SYT1: variants seen among roughly 807,000 people sequenced by gnomAD.
The protein encoded by SYT1 is synaptotagmin-1.
SYT1 carries 8 observed loss-of-function variants against 44.8 expected under a neutral mutation model. The ratio of observed to expected loss-of-function variants is 0.18; its 90% CI spans 0.10 to 0.32. The LOEUF (loss-of-function observed/expected upper bound fraction) is 0.32, where lower values mean the gene tolerates loss of function less well. Among genes scored for constraint, SYT1 ranks in the 10% least tolerant of loss-of-function variants. The probability of loss-of-function intolerance (pLI) is 1.00; values close to 1 mark genes in which losing one functional copy is unlikely to be tolerated. For synonymous variants in SYT1, 154 were observed against 188.8 expected (o/e 0.82, Z 1.51); for missense variants, 286 against 509.3 (o/e 0.56, Z 4.22).
intron 3 of SYT1, among the ~76,000 whole-genome samples, chr12:79,114,553 G>A (rs950575881): frequency 8.6e-5 from 13 of 151,220 alleles, no homozygotes; most frequent in African/African-American, 3.2e-4. Flanking sequence ...AACTCCTACA[G>A]TGCTTTACCT....
At chr12:79,348,941 A>G (rs926000617) in intron 8 of SYT1, among the ~76,000 whole-genome samples, 1 of 144,014 alleles carries the variant, frequency 6.9e-6, no homozygotes, top group Non-Finnish European at 1.5e-5. Flanking sequence ...GAAAGGAAAG[A>G]AAAAGAAAGA....
At chr12:79,178,953 TAG>T (rs376434895) in intron 3 of SYT1, among the ~76,000 whole-genome samples, 2,889 of 80,856 alleles carry the variant, frequency 0.036, 442 homozygotes, top group African/African-American at 0.042. Flanking sequence ...GATATAGATA[TAG>T]ATATAGATAT....
In SYT1 at chr12:79,449,737, A is replaced by AAAT. The variant is rs1055093106; in HGVS notation, c.*615_*617dup. 6.6e-6 allele frequency: 1 copy of AAAT among 152,432 alleles called. No homozygotes were observed. The highest frequency in any genetic ancestry group is 2.4e-5 in the African/African-American group (1 of 41,458). The allele number at this position is 152,432 out of a possible 1,614,324, so 9.4% of individuals were successfully genotyped here. A position where few individuals can be genotyped will look rare whatever the true frequency, so the allele number is the denominator to read the frequency against. On this transcript the variant is annotated 3_prime_UTR_variant, in exon 11 of 11. Coordinates refer to ENST00000261205, the MANE Select transcript of SYT1 (RefSeq NM_005639.3). ...ATTTTGTAGAATTCCTACACAGGCA[A>AAAT]AATAGCATGATCTGAGCAGCAGCAT...
At chr12:79,041,763 G>A (rs1459365168) in intron 2 of SYT1, among the ~76,000 whole-genome samples, 2 of 150,826 alleles carry the variant, frequency 1.3e-5, no homozygotes, top group African/African-American at 4.9e-5. Flanking sequence ...CTGTGGGTTT[G>A]TCATAGATAG....
At chr12:79,335,759 C>A (rs1882063049) in intron 8 of SYT1, among the ~76,000 whole-genome samples, 1 of 152,132 alleles carries the variant, frequency 6.6e-6, no homozygotes, top group Admixed American at 6.6e-5. Context: ...TGAGACTTTT[C>A]TCCAAGCACT....
At chr12:79,061,635 T>C (rs749201826) in intron 3 of SYT1, among the ~76,000 whole-genome samples, 2 of 152,110 alleles carry the variant, frequency 1.3e-5, no homozygotes, top group African/African-American at 4.8e-5. Context: ...AATATAATAG[T>C]ATGAAGATTA....
At chr12:79,367,466 C>T (rs1883595087) in intron 9 of SYT1, among the ~76,000 whole-genome samples, 1 of 152,116 alleles carries the variant, frequency 6.6e-6, no homozygotes, top group Admixed American at 6.5e-5. Context: ...TTGTTCATTG[C>T]TACATAATTG....
intron 1 of SYT1, among the ~76,000 whole-genome samples, chr12:78,895,960 A>G (rs1355694885): frequency 6.6e-6 from 1 of 151,768 alleles, no homozygotes; most frequent in Non-Finnish European, 1.5e-5. Context: ...TTACCATGCA[A>G]TGCAGTTATT....
intron 3 of SYT1, among the ~76,000 whole-genome samples, chr12:79,212,340 A>G (rs1874508206): frequency 6.6e-6 from 1 of 152,122 alleles, no homozygotes; most frequent in Non-Finnish European, 1.5e-5. Flanking sequence ...GGAGGGGAAC[A>G]TCACACACCC....
At chr12:79,234,902 G>A (rs1476377380) in intron 4 of SYT1, among the ~76,000 whole-genome samples, 2 of 151,782 alleles carry the variant, frequency 1.3e-5, no homozygotes, top group Non-Finnish European at 2.9e-5. Context: ...GTAGAGATGG[G>A]GTTTCACCAT....
intron 1 of SYT1, among the ~76,000 whole-genome samples, chr12:78,938,982 A>T (rs1878212383): frequency 6.6e-6 from 1 of 152,204 alleles, no homozygotes; most frequent in Non-Finnish European, 1.5e-5. Flanking sequence ...TGAGTGTCTT[A>T]TGTATAAACA....
intron 4 of SYT1, among the ~76,000 whole-genome samples, chr12:79,247,792 AAGAGTTGAAAAAC>A (rs1400955399): frequency 6.6e-6 from 1 of 152,102 alleles, no homozygotes; most frequent in Non-Finnish European, 1.5e-5. Context: ...AAAAAAAAAT[AAGAGTTGAAAAAC>A]AGCTTCCAGA....
chr12:79,138,682 T>C (rs1869356780), intron 3 of SYT1, among the ~76,000 whole-genome samples: 1 of 152,242 alleles, frequency 6.6e-6, no homozygotes, highest in Non-Finnish European at 1.5e-5. Context: ...TGCATGCATA[T>C]GCATAAACAA....
rs529744128 is a variant in SYT1 at position 79,348,380 on chromosome 12, A to T, written c.811-5122A>T. On this transcript the variant is annotated intron_variant, in intron 8 of 10. Coordinates refer to ENST00000261205, the MANE Select transcript of SYT1 (RefSeq NM_005639.3). ...GTTTCCCAGGATGCAGGACTTTTAG[A>T]TCTTAAACCAGGAGGATCTTAAACA... Among the ~76,000 whole-genome samples, 9 of 152,250 alleles carry T rather than the reference A, an allele frequency of 5.9e-5. No individual in the cohort carries two copies. In the East Asian group the frequency reaches 1.7e-3, roughly 29 times the overall value.
Position 79,265,906 on chromosome 12 carries a change from A to G in SYT1, c.167-19881A>G, listed in dbSNP as rs758787006. On this transcript the variant is annotated intron_variant, in intron 4 of 10. Coordinates refer to ENST00000261205, the MANE Select transcript of SYT1 (RefSeq NM_005639.3). ...AGGATCTGCTATGCAAAAATTATTT[A>G]GAAAAACTAATTGACAGAAAACAAT... 3.2e-4 allele frequency among the ~76,000 whole-genome samples: 48 copies of G among 152,338 alleles called. 1 individual carries two copies. The highest frequency in any genetic ancestry group is 1.0e-3 in the Admixed American group (16 of 15,308).
intron 2 of SYT1, among the ~76,000 whole-genome samples, chr12:78,982,090 G>C (rs886350893): frequency 1.3e-5 from 2 of 152,072 alleles, no homozygotes; most frequent in Non-Finnish European, 2.9e-5. Context: ...ACAATTTTTA[G>C]AGATGGAAAA....
intron 4 of SYT1, among the ~76,000 whole-genome samples, chr12:79,238,555 C>G (rs778304426): frequency 2.0e-5 from 3 of 152,142 alleles, no homozygotes; most frequent in African/African-American, 7.2e-5. Flanking sequence ...GAACTGTTCT[C>G]TTCCATAAGA....
At chr12:79,432,060 G>A (rs1410144358) in intron 9 of SYT1, among the ~76,000 whole-genome samples, 1 of 151,950 alleles carries the variant, frequency 6.6e-6, no homozygotes, top group African/African-American at 2.4e-5. Flanking sequence ...CTCTCTGGAA[G>A]GATAAGGAAA....
At chr12:79,154,186 A>C (rs1870451031) in intron 3 of SYT1, among the ~76,000 whole-genome samples, 1 of 152,120 alleles carries the variant, frequency 6.6e-6, no homozygotes, top group Non-Finnish European at 1.5e-5. Flanking sequence ...ATTCACAGGT[A>C]TGTTAAAGAG....
Sources: allele counts gnomAD v4.1 joint callset (sites outside exome capture counted in the v4.1 genomes callset), GRCh38; gene constraint gnomAD v4.1.1; transcripts MANE v1.5; gene names NCBI Gene and HGNC (gene_info 2026-07-23, HGNC 2026-07-21).